Variants in IL1RAPL1 observed in about 807,000 individuals in gnomAD.
IL1RAPL1 encodes the protein interleukin-1 receptor accessory protein-like 1.
A neutral mutation model predicts 48.4 loss-of-function variants in IL1RAPL1; 3 were observed. The ratio of observed to expected loss-of-function variants is 0.06; its 90% CI spans 0.03 to 0.16. The LOEUF is 0.16. IL1RAPL1 is among the 10% of genes least tolerant of loss of function. IL1RAPL1 has a pLI of 1.00. For missense variants in IL1RAPL1, 349 were observed against 530.6 expected (o/e 0.66, Z 3.36); for synonymous variants, 185 against 187.7 (o/e 0.99, Z 0.12).
chrX:29,620,081 A>G (rs964311461), intron 5 of IL1RAPL1, among the ~76,000 whole-genome samples: 1 of 111,763 alleles, frequency 8.9e-6, no homozygotes. Context: ...ATTAAATGTA[A>G]GGGTCAAAAT....
At chrX:28,773,403 A>G (rs540124640) in intron 1 of IL1RAPL1, among the ~76,000 whole-genome samples, 5 of 111,689 alleles carry the variant, frequency 4.5e-5, no homozygotes, top group African/African-American at 1.6e-4. Context: ...CTTCTCTTTG[A>G]CATTCACTTT....
chrX:29,306,249 G>T (rs1282466630), intron 3 of IL1RAPL1, among the ~76,000 whole-genome samples: 2 of 111,841 alleles, frequency 1.8e-5, no homozygotes, highest in Non-Finnish European at 3.8e-5. Context: ...ATTTATGGGG[G>T]GCCGGGCGCG....
At chrX:29,269,181 A>T (rs1342910193) in intron 2 of IL1RAPL1, among the ~76,000 whole-genome samples, 1 of 112,178 alleles carries the variant, frequency 8.9e-6, no homozygotes, top group Non-Finnish European at 1.9e-5. Context: ...TTATCATGAG[A>T]TAGCATCTGC....
At chrX:29,600,808 C>T (rs2147061915) in intron 5 of IL1RAPL1, among the ~76,000 whole-genome samples, 1 of 110,898 alleles carries the variant, frequency 9.0e-6, no homozygotes, top group East Asian at 2.9e-4. Context: ...GGGATTATGG[C>T]TGCCTCTGCT....
At chrX:29,549,198 G>T (rs1921724186) in intron 5 of IL1RAPL1, among the ~76,000 whole-genome samples, 1 of 111,862 alleles carries the variant, frequency 8.9e-6, no homozygotes, top group Non-Finnish European at 1.9e-5. Context: ...TTTCTAAAAT[G>T]TAAATTGCAC....
intron 3 of IL1RAPL1, among the ~76,000 whole-genome samples, chrX:29,392,978 C>A (rs1442998163): frequency 1.8e-5 from 2 of 111,708 alleles, no homozygotes; most frequent in East Asian, 5.6e-4. Context: ...GAGGCGGTGC[C>A]GATAATAAGA....
At chrX:29,722,162 C>G (rs1263486402) in intron 6 of IL1RAPL1, among the ~76,000 whole-genome samples, 3 of 111,531 alleles carry the variant, frequency 2.7e-5, no homozygotes, top group Non-Finnish European at 5.7e-5. Context: ...CATTTACCTT[C>G]CCACATAGTT....
intron 5 of IL1RAPL1, among the ~76,000 whole-genome samples, chrX:29,591,774 G>A (rs906856661): frequency 1.3e-4 from 15 of 112,672 alleles, no homozygotes; most frequent in African/African-American, 4.8e-4. Flanking sequence ...GCAGGCCCAA[G>A]TGGACTCAAT....
chrX:29,104,582 G>A (rs924874715), intron 2 of IL1RAPL1, among the ~76,000 whole-genome samples: 2 of 110,951 alleles, frequency 1.8e-5, no homozygotes, highest in Non-Finnish European at 3.8e-5. Flanking sequence ...ACTACACTAA[G>A]CAATAATTTA....
intron 9 of IL1RAPL1, 33 bp downstream of exon 9, chrX:29,941,827 A>T: frequency 8.5e-7 from 1 of 1,180,999 alleles, no homozygotes; most frequent in Non-Finnish European, 1.2e-6. Flanking sequence ...GTTCTTTCTG[A>T]ATGTTCTAAT....
At chrX:29,426,720 C>T (rs888749106) in intron 5 of IL1RAPL1, among the ~76,000 whole-genome samples, 11 of 111,045 alleles carry the variant, frequency 9.9e-5, no homozygotes, top group African/African-American at 3.3e-4. Context: ...TTAGCTATGA[C>T]GATTGATGAT....
At chrX:29,408,614 G>GT (rs2147696110) in intron 5 of IL1RAPL1, among the ~76,000 whole-genome samples, 1 of 111,857 alleles carries the variant, frequency 8.9e-6, no homozygotes, top group Non-Finnish European at 1.9e-5. Context: ...TTGTTACAAG[G>GT]ATGTGATAGT....
intron 2 of IL1RAPL1, among the ~76,000 whole-genome samples, chrX:29,256,044 C>T (rs1349207490): frequency 8.9e-6 from 1 of 111,854 alleles, no homozygotes; most frequent in East Asian, 2.8e-4. Flanking sequence ...AATGTTTTCA[C>T]ATCAGCTAAA....
At chrX:28,853,265 T>A (rs2147298058) in intron 2 of IL1RAPL1, among the ~76,000 whole-genome samples, 1 of 111,425 alleles carries the variant, frequency 9.0e-6, no homozygotes, top group South Asian at 3.8e-4. Context: ...AAAGCTCAGG[T>A]TAGTGAAGGG....
intron 2 of IL1RAPL1, among the ~76,000 whole-genome samples, chrX:28,877,852 C>G (rs1922412069): frequency 8.9e-6 from 1 of 112,041 alleles, no homozygotes; most frequent in Admixed American, 9.5e-5. Context: ...GACTAAACAT[C>G]ATTCTGATGT....
intron 2 of IL1RAPL1, among the ~76,000 whole-genome samples, chrX:28,975,894 G>T (rs1925192536): frequency 9.0e-6 from 1 of 111,556 alleles, no homozygotes; most frequent in African/African-American, 3.3e-5. Flanking sequence ...AAAGGATTGA[G>T]GTATTAGGAT....
At chrX:29,464,183 G>A (rs1934836745) in intron 5 of IL1RAPL1, among the ~76,000 whole-genome samples, 1 of 111,865 alleles carries the variant, frequency 8.9e-6, no homozygotes, top group Non-Finnish European at 1.9e-5. Context: ...AGTTTGTTAT[G>A]TGTCTATTTA....
Position 28,674,623 on chromosome X carries a change from C to G in IL1RAPL1, c.-25+86576C>G, listed in dbSNP as rs377413337. 3.6e-5 allele frequency among the ~76,000 whole-genome samples: 4 copies of G among 111,592 alleles called. No homozygotes were observed. In the South Asian group the frequency reaches 1.1e-3, roughly 31 times the overall value. ...TTACCTGCATTTAAAGCTATGAGTC[C>G]TAATGTTGGTTTTGGAACATATGGT... is the stretch of plus-strand genomic sequence containing the variant. On this transcript the variant is annotated intron_variant, in intron 1 of 10. Transcript: ENST00000378993.
At chrX:29,847,968 A>T (rs1931281546) in intron 6 of IL1RAPL1, among the ~76,000 whole-genome samples, 1 of 111,581 alleles carries the variant, frequency 9.0e-6, no homozygotes, top group Non-Finnish European at 1.9e-5. Flanking sequence ...TTAAAATACT[A>T]CATATTTTCA....
Sources: gnomAD v4.1 joint callset for allele counts (sites outside exome capture counted in the v4.1 genomes callset) on GRCh38, gnomAD v4.1.1 for gene constraint, MANE v1.5 for transcripts, NCBI Gene and HGNC (gene_info 2026-07-23, HGNC 2026-07-21) for gene names.